The following MMEL1 variants were observed in gnomAD, a reference collection of about 807,000 sequenced individuals.
MMEL1 encodes membrane metallo-endopeptidase-like 1.
MMEL1 carries 98 observed loss-of-function variants against 117.1 expected under a neutral mutation model. The observed-to-expected ratio is 0.84, with a 90% CI of 0.71 to 0.99. The LOEUF (loss-of-function observed/expected upper bound fraction) is 0.99, where lower values mean the gene tolerates loss of function less well. Among genes scored for constraint, MMEL1 ranks in the 50% least tolerant of loss-of-function variants. The pLI is 0.00. For synonymous variants in MMEL1, 390 were observed against 415.1 expected (o/e 0.94, Z 0.74); for missense variants, 1,014 against 1,049.1 (o/e 0.97, Z 0.46).
chr1:2,611,524 C>A, intron 3 of MMEL1, 184 bp from the exon 4 acceptor site: 9 of 505,960 alleles, frequency 1.8e-5, no homozygotes, highest in South Asian at 2.8e-5. Context: ...CCAGGGTAAC[C>A]AAAGCATAGT....
At chr1:2,630,537 C>T (rs889997217) in intron 1 of MMEL1, among the ~76,000 whole-genome samples, 1 of 139,714 alleles carries the variant, frequency 7.2e-6, no homozygotes, top group Admixed American at 7.2e-5. Context: ...CGTGGATATG[C>T]ACTGTCTACG....
Position 2,596,620 on chromosome 1 carries a change from C to A in MMEL1, c.1342G>T (p.Glu448Ter). Residue 448 changes from glutamate to a stop codon, truncating the protein, a stop_gained, in exon 14 of 24, where the codon GAG (glutamate) becomes TAG (stop). Coordinates refer to ENST00000378412, the MANE Select transcript of MMEL1 (RefSeq NM_033467.4). LOFTEE classifies it high-confidence loss of function. ...ACGTAGAGGGAGCCCACGGCGTTCT[C>A]CATGTTGCTGTTGACGTAGCCCACA... ...ECVGYVNSNM[E>*]NAVGSLYVRE... 2 of 1,613,246 alleles carry A rather than the reference C, an allele frequency of 1.2e-6. No individual in the cohort carries two copies. Among genetic ancestry groups the A allele is most frequent in the Non-Finnish European group, 1.7e-6 (2 of 1,179,856 alleles).
intron 2 of MMEL1, among the ~76,000 whole-genome samples, chr1:2,613,444 C>G (rs1369350652): frequency 1.3e-5 from 2 of 152,064 alleles, no homozygotes; most frequent in Non-Finnish European, 2.9e-5. Context: ...AAAGTGGTGA[C>G]AAGGAGGGCA....
chr1:2,594,188 T>G (rs962374513), intron 18 of MMEL1, 197 bp downstream of exon 18: 29 of 786,514 alleles, frequency 3.7e-5, no homozygotes, highest in Non-Finnish European at 5.5e-5. Context: ...CTGGGCCGCC[T>G]GCCAAGTCCC....
intron 11 of MMEL1, among the ~76,000 whole-genome samples, chr1:2,601,314 C>A (rs1265964364): frequency 6.6e-6 from 1 of 152,136 alleles, no homozygotes; most frequent in African/African-American, 2.4e-5. Flanking sequence ...CGCATAGACA[C>A]ACAGGAACAC....
intron 6 of MMEL1, among the ~76,000 whole-genome samples, chr1:2,608,546 TACAC>T (rs1645068208): frequency 1.8e-5 from 1 of 56,136 alleles, no homozygotes; most frequent in Non-Finnish European, 3.2e-5. Context: ...CACATACACA[TACAC>T]ACATATACAC....
rs1231365098 is a variant in MMEL1, at chr1:2,629,363, A to C, written c.122T>G (p.Val41Gly). The C allele has an allele frequency of 1.9e-6, 3 of 1,543,708 alleles. No homozygotes were observed. The highest frequency in any genetic ancestry group is 4.9e-5 in the East Asian group (2 of 40,744). ...LLLLLVTAALVALGVLYADRR... is the reference protein window; with the variant it reads ...LLLLLVTAALGALGVLYADRR... ...GTCGGCGTAGAGGACACCCAAGGCC[A>C]CCAGGGCAGCGGTCACCAGCAGCAG... The change falls in exon 2 of 24, where the codon GTG becomes GGG. Residue 41 changes from valine (V) to glycine (G), a missense_variant. Val to Gly is a moderately radical substitution (Grantham distance 109, BLOSUM62 -3). Transcript: ENST00000378412.
At chr1:2,625,153 C>T (rs1289903560) in intron 2 of MMEL1, among the ~76,000 whole-genome samples, 1 of 152,198 alleles carries the variant, frequency 6.6e-6, no homozygotes, top group African/African-American at 2.4e-5. Flanking sequence ...CCTCCCAAAT[C>T]TCATGTCCTT....
chr1:2,596,554 C>T lies in MMEL1; in HGVS notation c.1401+7G>A, dbSNP rs907705191. ...CCCCGCGTGGGCCATGGATGAGGGG[C>T]GCCCACCATGCTCTTGCTGTCTCCA... On this transcript the variant is annotated splice_region_variant and intron_variant, in intron 14 of 23. Transcript: ENST00000378412. The T allele has an allele frequency of 3.7e-5, 59 of 1,607,502 alleles. No homozygotes were observed. The highest frequency in any genetic ancestry group is 1.7e-4 in the Middle Eastern group (1 of 6,060).
intron 1 of MMEL1, among the ~76,000 whole-genome samples, chr1:2,631,145 C>G (rs1638561919): frequency 6.6e-6 from 1 of 152,210 alleles, no homozygotes; most frequent in Non-Finnish European, 1.5e-5. Context: ...CGCTGGCACT[C>G]GGAGCCCTGC....
In MMEL1 at chr1:2,629,536, CAGGGGAG is replaced by C. The variant is rs559249154; in HGVS notation, c.-37-22_-37-16del. On this transcript the variant is annotated splice_polypyrimidine_tract_variant and intron_variant, in intron 1 of 23. Coordinates refer to ENST00000378412, the MANE Select transcript of MMEL1 (RefSeq NM_033467.4). Reference sequence around the variant, plus strand: ...CGCGGAGGAACCTGCAGGCCCAGGGCAGGGGAGAGGGGAGAGGGGCGTGGAGCTCCCC... The same window carrying C: ...CGCGGAGGAACCTGCAGGCCCAGGGCAGGGGAGAGGGGCGTGGAGCTCCCC... The C allele has an allele frequency of 3.5e-6, 5 of 1,417,248 alleles. No individual in the cohort carries two copies. The highest frequency in any genetic ancestry group is 2.9e-5 in the South Asian group (2 of 68,494). The allele number at this position is 1,417,248 out of a possible 1,614,324, so 87.8% of individuals were successfully genotyped here.
In MMEL1 at chr1:2,595,889, C is replaced by A. The variant is rs1644829346; in HGVS notation, c.1500+120G>T. 1.3e-6 allele frequency: 1 copy of A among 772,570 alleles called. No individual in the cohort carries two copies. The highest frequency in any genetic ancestry group is 2.2e-6 in the Non-Finnish European group (1 of 451,612). The allele number at this position is 772,570 out of a possible 1,614,324, so 47.9% of individuals were successfully genotyped here. A position where few individuals can be genotyped will look rare whatever the true frequency, so the allele number is the denominator to read the frequency against. The stretch of plus-strand genomic sequence containing the variant: ...CGGGGCTGCCTTCTCCCCGTGGGGT[C>A]CTGTCTGCGCCTCCCGGGGCTGCCT... On this transcript the variant is annotated intron_variant, in intron 15 of 23. Coordinates refer to ENST00000378412, the MANE Select transcript of MMEL1 (RefSeq NM_033467.4). The surrounding 1 kb of genome is among the most constrained non-coding windows in gnomAD (Gnocchi z 4.8).
chr1:2,608,116 A>G (rs4278312), intron 6 of MMEL1, among the ~76,000 whole-genome samples: 68,347 of 151,984 alleles, frequency 0.45, 16,833 homozygotes, highest in African/African-American at 0.65. Context: ...ATGGGGGCCC[A>G]GCCTTCTGTT....
At chr1:2,601,349 A>G (rs1433865183) in intron 11 of MMEL1, among the ~76,000 whole-genome samples, 1 of 152,188 alleles carries the variant, frequency 6.6e-6, no homozygotes, top group Non-Finnish European at 1.5e-5. Context: ...AGAAGGCACC[A>G]AGACCAGGGG....
At chr1:2,618,213 T>C (rs1354463562) in intron 2 of MMEL1, among the ~76,000 whole-genome samples, 7 of 152,176 alleles carry the variant, frequency 4.6e-5, no homozygotes, top group Admixed American at 4.6e-4. Context: ...CATGAATGGC[T>C]TGGTGCCCCT....
Position 2,592,295 on chromosome 1 carries a change from GAGGCACTGGTGC to G in MMEL1, c.2068-280_2068-269del, listed in dbSNP as rs1557516118. On this transcript the variant is annotated intron_variant, in intron 21 of 23. Transcript: ENST00000378412. ...ATGAGCCCCTGACGCCCCCTCCCCT[GAGGCACTGGTGC>G]CCCCCTCCCCTGCAGCGCTGATGCC... 1.5e-3 allele frequency among the ~76,000 whole-genome samples: 195 copies of G among 132,028 alleles called. 15 individuals carry two copies. Among genetic ancestry groups the G allele is most frequent in the African/African-American group, 5.4e-3 (177 of 32,878 alleles). The allele number at this position is 132,028 out of a possible 152,430, so 86.6% of individuals were successfully genotyped here.
intron 3 of MMEL1, 73 bp from the exon 4 acceptor site, chr1:2,611,413 G>C: frequency 8.4e-7 from 1 of 1,192,004 alleles, no homozygotes; most frequent in Non-Finnish European, 1.1e-6. Context: ...GGTGTGGGCG[G>C]GGCAAGGTCT....
rs773377650 is a variant in MMEL1 at position 2,612,245 on chromosome 1, C to A, written c.155-41G>T. On this transcript the variant is annotated intron_variant, in intron 2 of 23. Coordinates refer to ENST00000378412, the MANE Select transcript of MMEL1 (RefSeq NM_033467.4). This position sits in a 1 kb window ranked among gnomAD's most constrained non-coding sequence, Gnocchi z 5.4. ...GCGCTCAGCTGCGGCCTCCTGCCTG[C>A]AGCTCCCTGGGGGTGCTGGGGGCCT... 4.6e-6 allele frequency: 7 copies of A among 1,537,700 alleles called. No homozygotes were observed. The highest frequency in any genetic ancestry group is 6.2e-6 in the Non-Finnish European group (7 of 1,133,904).
rs1481449756 is a variant in MMEL1 at position 2,612,293 on chromosome 1, C to A, written c.155-89G>T. On this transcript the variant is annotated intron_variant, in intron 2 of 23. Coordinates refer to ENST00000378412, the MANE Select transcript of MMEL1 (RefSeq NM_033467.4). The surrounding 1 kb of genome is among the most constrained non-coding windows in gnomAD (Gnocchi z 5.4). The stretch of plus-strand genomic sequence containing the variant: ...CCTCCCTGGGTCAGCACGCCATCTT[C>A]CCACAGTGCTGGGTGCTGCAGCCCT... 11 of 1,104,302 alleles carry A rather than the reference C, an allele frequency of 1.0e-5. No homozygotes were observed. Among genetic ancestry groups the A allele is most frequent in the Admixed American group, 2.0e-5 (1 of 49,456 alleles). 68.4% of individuals were successfully genotyped at this position (1,104,302 alleles called of 1,614,324 possible).
Sources: allele counts gnomAD v4.1 joint callset (sites outside exome capture counted in the v4.1 genomes callset), GRCh38; gene constraint gnomAD v4.1.1; non-coding constraint Gnocchi (gnomAD v3.1); transcripts MANE v1.5; gene names NCBI Gene and HGNC (gene_info 2026-07-23, HGNC 2026-07-21).